CAMK4: variants seen among roughly 807,000 people sequenced by gnomAD.
The protein encoded by CAMK4 is calcium/calmodulin dependent protein kinase IV.
CAMK4 carries 22 observed loss-of-function variants against 44.9 expected under a neutral mutation model. That is an observed-to-expected ratio of 0.49 (90% CI 0.35 to 0.70). CAMK4 has a LOEUF of 0.70. Among genes scored for constraint, CAMK4 ranks in the 30% least tolerant of loss-of-function variants. The pLI, the probability that CAMK4 is intolerant of heterozygous loss-of-function variation, is 0.01. For synonymous variants in CAMK4, 218 were observed against 215.4 expected (o/e 1.01, Z -0.11); for missense variants, 498 against 586.8 (o/e 0.85, Z 1.56).
chr5:111,457,561 A>C (rs1754462774), intron 7 of CAMK4, among the ~76,000 whole-genome samples: 1 of 152,234 alleles, frequency 6.6e-6, no homozygotes, highest in Non-Finnish European at 1.5e-5. Context: ...CACTATGCCA[A>C]AATTTAAGAC....
chr5:111,393,115 A>C (rs1751869336), intron 4 of CAMK4, among the ~76,000 whole-genome samples: 1 of 152,196 alleles, frequency 6.6e-6, no homozygotes, highest in Admixed American at 6.5e-5. Context: ...ATTACTAGAA[A>C]ATTTTTAGCT....
rs1238976029 is a variant in CAMK4 at position 111,482,621 on chromosome 5, C to T, written c.829-164C>T. 8.2e-6 allele frequency: 4 copies of T among 490,334 alleles called. No homozygotes were observed. The highest frequency in any genetic ancestry group is 2.0e-5 in the African/African-American group (1 of 49,920). The allele number at this position is 490,334 out of a possible 1,614,324, so 30.4% of individuals were successfully genotyped here. ...CTCCCTCAGCTACTGCTACCTGAAG[C>T]TGTGCCTACCTACAGTGGCCCCTGA... On this transcript the variant is annotated intron_variant, in intron 9 of 10. Coordinates refer to ENST00000282356, the MANE Select transcript of CAMK4 (RefSeq NM_001744.6). This position sits in a 1 kb window ranked among gnomAD's most constrained non-coding sequence, Gnocchi z 4.9.
chr5:111,448,355 G>A (rs1054387326), intron 6 of CAMK4, among the ~76,000 whole-genome samples: 1 of 152,126 alleles, frequency 6.6e-6, no homozygotes, highest in African/African-American at 2.4e-5. Context: ...TAATTCTCGT[G>A]TCACTGATGA....
chr5:111,394,438 A>G (rs1409255741), intron 4 of CAMK4, among the ~76,000 whole-genome samples: 1 of 152,212 alleles, frequency 6.6e-6, no homozygotes, highest in African/African-American at 2.4e-5. Flanking sequence ...GTTTAAAATG[A>G]TTCACAAAAC....
At chr5:111,243,950 TTTTG>T (rs1194737028) in intron 1 of CAMK4, among the ~76,000 whole-genome samples, 3 of 152,240 alleles carry the variant, frequency 2.0e-5, no homozygotes, top group Admixed American at 6.5e-5. Context: ...CAGTCCAGTG[TTTTG>T]TTTGTTTGTT....
rs1290228946 is a variant in CAMK4, at chr5:111,487,327, T to G, written c.*2861T>G. 1 of 152,186 alleles carries G rather than the reference T, an allele frequency of 6.6e-6. No individual in the cohort carries two copies. Among genetic ancestry groups the G allele is most frequent in the Non-Finnish European group, 1.5e-5 (1 of 68,010 alleles). 9.4% of individuals were successfully genotyped at this position (152,186 alleles called of 1,614,324 possible). A position where few individuals can be genotyped will look rare whatever the true frequency, so the allele number is the denominator to read the frequency against. On this transcript the variant is annotated 3_prime_UTR_variant, in exon 11 of 11. Coordinates refer to ENST00000282356, the MANE Select transcript of CAMK4 (RefSeq NM_001744.6). ...AGCTACATAGCATAAACTAGGTTTTTTTTTATAACCATGAAGGACAGTCTT... is the reference window on the plus strand; with the variant it reads ...AGCTACATAGCATAAACTAGGTTTTGTTTTATAACCATGAAGGACAGTCTT...
chr5:111,333,940 C>G (rs1749285193), intron 1 of CAMK4, among the ~76,000 whole-genome samples: 1 of 151,386 alleles, frequency 6.6e-6, no homozygotes, highest in South Asian at 2.1e-4. Context: ...ATCTGGGAGA[C>G]AGACCAAAAA....
rs1269045368 is a variant in CAMK4, at chr5:111,431,095, A to G, written c.460-15591A>G. ...TGACTTCAAATTATACTACAGAGCT[A>G]TAATGACCAAACCAGCTATAGTGAC... On this transcript the variant is annotated intron_variant, in intron 5 of 10. Coordinates refer to ENST00000282356, the MANE Select transcript of CAMK4 (RefSeq NM_001744.6). Among the ~76,000 whole-genome samples, 8 of 152,222 alleles carry G rather than the reference A, an allele frequency of 5.3e-5. No homozygotes were observed. The East Asian group carries it at 1.5e-3, about 29-fold the overall frequency.
chr5:111,224,570 C>A lies in CAMK4; in HGVS notation c.87C>A (p.Val29=). 1 of 1,612,536 alleles carries A rather than the reference C, an allele frequency of 6.2e-7. No individual in the cohort carries two copies. The highest frequency in any genetic ancestry group is 8.5e-7 in the Non-Finnish European group (1 of 1,179,700). ...ASAAPGTASL[V]PDYWIDGSNR... The stretch of plus-strand genomic sequence containing the variant: ...CGGCCCCGGGGACCGCGAGCCTCGT[C>A]CCGGATTACTGGATCGACGGCTCCA... The change falls in exon 1 of 11, where the codon GTC becomes GTA. Residue 29 remains valine, a synonymous_variant. Transcript: ENST00000282356. This position sits in a 1 kb window ranked among gnomAD's most constrained non-coding sequence, Gnocchi z 5.7.
At chr5:111,463,425 A>G (rs1027752199) in intron 7 of CAMK4, among the ~76,000 whole-genome samples, 1 of 152,194 alleles carries the variant, frequency 6.6e-6, no homozygotes, top group Non-Finnish European at 1.5e-5. Flanking sequence ...TCTGAAGACA[A>G]AGGACATAAC....
At chr5:111,235,634 G>A (rs1420775685) in intron 1 of CAMK4, among the ~76,000 whole-genome samples, 2 of 152,198 alleles carry the variant, frequency 1.3e-5, no homozygotes, top group Non-Finnish European at 2.9e-5. Flanking sequence ...CAATGAAGTG[G>A]GAACCTGAGA....
intron 1 of CAMK4, among the ~76,000 whole-genome samples, chr5:111,239,320 T>A (rs1235020353): frequency 6.6e-6 from 1 of 152,212 alleles, no homozygotes; most frequent in African/African-American, 2.4e-5. Context: ...GGATTTTTTT[T>A]AACCTTGTCA....
At chr5:111,395,351 T>G (rs1225746872) in intron 5 of CAMK4, among the ~76,000 whole-genome samples, 3 of 152,018 alleles carry the variant, frequency 2.0e-5, no homozygotes, top group Non-Finnish European at 4.4e-5. Context: ...GTGTGTTAAA[T>G]TAATTTCCAT....
chr5:111,329,816 C>T (rs988658567), intron 1 of CAMK4, among the ~76,000 whole-genome samples: 1 of 151,566 alleles, frequency 6.6e-6, no homozygotes, highest in Non-Finnish European at 1.5e-5. Flanking sequence ...AATCTCTCAG[C>T]AAAGTAAGAA....
intron 1 of CAMK4, among the ~76,000 whole-genome samples, chr5:111,283,723 A>G (rs116319448): frequency 1.3e-3 from 195 of 152,292 alleles, no homozygotes; most frequent in African/African-American, 4.4e-3. Flanking sequence ...TTCATTCTTA[A>G]TCAGTGGCAA....
At chr5:111,430,356 A>G (rs576324799) in intron 5 of CAMK4, among the ~76,000 whole-genome samples, 6 of 152,344 alleles carry the variant, frequency 3.9e-5, no homozygotes, top group African/African-American at 1.4e-4. Flanking sequence ...AGCTAGTATT[A>G]TACTGAGTGG....
Position 111,492,969 on chromosome 5 carries a change from C to A in CAMK4, c.*8503C>A, listed in dbSNP as rs1257345172. The A allele has an allele frequency of 2.6e-5, 4 of 152,056 alleles. No homozygotes were observed. Among genetic ancestry groups the A allele is most frequent in the African/African-American group, 9.7e-5 (4 of 41,382 alleles). 9.4% of individuals were successfully genotyped at this position (152,056 alleles called of 1,614,324 possible). ...TATGTGAAAGATGGGTGAATCTTTG[C>A]AGGTAGGGAAGAAGTAGGGGGCATG... On this transcript the variant is annotated 3_prime_UTR_variant, in exon 11 of 11. Coordinates refer to ENST00000282356, the MANE Select transcript of CAMK4 (RefSeq NM_001744.6).
intron 1 of CAMK4, among the ~76,000 whole-genome samples, chr5:111,233,756 C>T (rs1274599076): frequency 1.3e-5 from 2 of 152,126 alleles, no homozygotes; most frequent in Non-Finnish European, 2.9e-5. Flanking sequence ...GCAGATGTCT[C>T]AGGTGGATAA....
chr5:111,383,910 T>C (rs766722525), intron 4 of CAMK4, among the ~76,000 whole-genome samples: 1 of 152,148 alleles, frequency 6.6e-6, no homozygotes, highest in Admixed American at 6.5e-5. Context: ...GAAGACTATA[T>C]ATGCTATGAC....
Sources: gnomAD v4.1 joint callset for allele counts (sites outside exome capture counted in the v4.1 genomes callset) on GRCh38, gnomAD v4.1.1 for gene constraint, Gnocchi (gnomAD v3.1) non-coding constraint, MANE v1.5 for transcripts, NCBI Gene and HGNC (gene_info 2026-07-23, HGNC 2026-07-21) for gene names.